Variants in MFN1 observed in about 807,000 individuals in gnomAD.
MFN1 encodes mitofusin-1.
Under a neutral mutation model 92.4 loss-of-function variants are expected in MFN1, and 65 were observed. That is an observed-to-expected ratio of 0.70 (90% CI 0.58 to 0.86). The LOEUF is 0.86. Among genes scored for constraint, MFN1 ranks in the 40% least tolerant of loss-of-function variants. The pLI is 0.00. For synonymous variants in MFN1, 297 were observed against 300.9 expected (o/e 0.99, Z 0.13); for missense variants, 781 against 868.0 (o/e 0.90, Z 1.26).
At chr3:179,365,417 T>C (rs1327753558) in intron 7 of MFN1, among the ~76,000 whole-genome samples, 192 bp downstream of exon 7, 1 of 152,236 alleles carries the variant, frequency 6.6e-6, no homozygotes, top group African/African-American at 2.4e-5. Context: ...AATTGTGTTA[T>C]ACTATCTAGT....
intron 3 of MFN1, among the ~76,000 whole-genome samples, chr3:179,357,803 G>C (rs1197157571): frequency 6.6e-6 from 1 of 152,188 alleles, no homozygotes. Flanking sequence ...CAAGAATACA[G>C]ATAGGGCACA....
At chr3:179,367,370 G>C (rs904974407) in intron 7 of MFN1, 69 bp from the exon 8 acceptor site, 3 of 1,343,454 alleles carry the variant, frequency 2.2e-6, no homozygotes, top group Non-Finnish European at 3.1e-6. Context: ...AGTAAGTATT[G>C]GTCTATAGTC....
chr3:179,386,692 A>G, intron 16 of MFN1, 63 bp downstream of exon 16: 4 of 1,422,020 alleles, frequency 2.8e-6, no homozygotes, highest in Non-Finnish European at 2.9e-6. Context: ...TACATGCAGA[A>G]AAAGCACAAA....
chr3:179,351,996 T>A lies in MFN1; in HGVS notation c.209T>A (p.Val70Glu). The A allele has an allele frequency of 6.2e-7, 1 of 1,608,664 alleles. No homozygotes were observed. The highest frequency in any genetic ancestry group is 8.5e-7 in the Non-Finnish European group (1 of 1,176,152). ...YKDKLSIIGE[V>E]LSRRHMKVAF... ...GACAAGCTTTCCATCATTGGTGAGG[T>A]GCTATCTCGGAGACACATGAAGGTG... The change falls in exon 3 of 18, where the codon GTG becomes GAG. Residue 70 changes from valine (V) to glutamate (E), a missense_variant. Transcript: ENST00000471841.
chr3:179,354,944 G>C (rs1324604131), intron 3 of MFN1, among the ~76,000 whole-genome samples: 1 of 152,068 alleles, frequency 6.6e-6, no homozygotes, highest in Non-Finnish European at 1.5e-5. Flanking sequence ...TTACAGGAGT[G>C]CACCACCACA....
chr3:179,359,589 T>A (rs1434384677), intron 4 of MFN1: 11 of 142,570 alleles, frequency 7.7e-5, no homozygotes, highest in Non-Finnish European at 1.3e-4. Flanking sequence ...CCCAGCTAAT[T>A]TTCGTACTTT....
At position 179,365,236 on chromosome 3, in the gene MFN1, AT is replaced by A. The variant is rs753563355; in HGVS notation, c.753+22del. Reference sequence around the variant, plus strand: ...GAATATATGGAAGACGTAAGTTGTTATTTTTTTTTTTGTAGGTTTTGAAATA... The same window carrying A: ...GAATATATGGAAGACGTAAGTTGTTATTTTTTTTTTGTAGGTTTTGAAATA... On this transcript the variant is annotated intron_variant, in intron 7 of 17. Transcript: ENST00000471841. 55,698 of 1,096,964 alleles carry A rather than the reference AT, an allele frequency of 0.051. 155 individuals carry two copies. The highest frequency in any genetic ancestry group is 0.055 in the Non-Finnish European group (44,938 of 822,964). The allele number at this position is 1,096,964 out of a possible 1,614,324, so 68.0% of individuals were successfully genotyped here.
intron 9 of MFN1, among the ~76,000 whole-genome samples, chr3:179,370,054 A>G (rs951455719): frequency 3.9e-5 from 6 of 152,324 alleles, no homozygotes; most frequent in Middle Eastern, 3.4e-3. Context: ...TGTATTAAAA[A>G]GAGACAAAAC....
At position 179,382,855 on chromosome 3, in the gene MFN1, C is replaced by T. The variant is rs1435926644; in HGVS notation, c.1663-2714C>T. On this transcript the variant is annotated intron_variant, in intron 14 of 17. Transcript: ENST00000471841. The stretch of plus-strand genomic sequence containing the variant: ...GAACATTTTTTCACGTGTCTATTGG[C>T]TGCATAAATGTCTTCTTTTGAGAAG... Among the ~76,000 whole-genome samples the T allele has an allele frequency of 2.0e-5, 3 of 152,188 alleles. No individual in the cohort carries two copies. In the South Asian group the frequency reaches 6.2e-4, roughly 31 times the overall value.
chr3:179,367,558 T>G lies in MFN1; in HGVS notation c.873T>G (p.Ala291=). The change falls in exon 8 of 18, where the codon GCT becomes GCG. Residue 291 remains alanine, a synonymous_variant. Transcript: ENST00000471841. ...TTTCAGCAAAGGAAGTTCTTAGTGC[T>G]AGAAAGCAAAAAGCACAGGGGATGC... The part of the protein sequence containing the change: ...FFVSAKEVLS[A]RKQKAQGMPE... The G allele has an allele frequency of 6.2e-7, 1 of 1,613,078 alleles. No homozygotes were observed. The highest frequency in any genetic ancestry group is 2.2e-5 in the East Asian group (1 of 44,842).
In MFN1 at chr3:179,376,782, A is replaced by T. The variant is rs552969797; in HGVS notation, c.1098-260A>T. 5 of 265,290 alleles carry T rather than the reference A, an allele frequency of 1.9e-5. No individual in the cohort carries two copies. The South Asian group carries it at 3.9e-4, about 21-fold the overall frequency. The allele number at this position is 265,290 out of a possible 1,614,324, so 16.4% of individuals were successfully genotyped here. ...GTATTGCATTCTGTTTTGCCTGTTC[A>T]TATCTATGAAGACTTAGAATTCTTA... is the stretch of plus-strand genomic sequence containing the variant. On this transcript the variant is annotated intron_variant, in intron 10 of 17. Transcript: ENST00000471841.
rs769392041 is a variant in MFN1, at chr3:179,385,585, C to T, written c.1679C>T (p.Ala560Val). The T allele has an allele frequency of 5.0e-6, 8 of 1,605,176 alleles. No individual in the cohort carries two copies. Among genetic ancestry groups the T allele is most frequent in the Non-Finnish European group, 6.8e-6 (8 of 1,177,728 alleles). The change falls in exon 15 of 18, where the codon GCT becomes GTT. Residue 560 changes from alanine to valine, a missense_variant. Physicochemically the swap from Ala to Val is moderately conservative, Grantham distance 64. Transcript: ENST00000471841. ...TTTTGGCAGCTCCCTAGATCTTTAG[C>T]TTCTACTCCCACTGCTCCTACCACT... ...EPIFQLPRSL[A>V]STPTAPTTPA...
chr3:179,392,747 G>A lies in MFN1; in HGVS notation c.*688G>A, dbSNP rs1713956793. 6.6e-6 allele frequency: 1 copy of A among 152,130 alleles called. No homozygotes were observed. The highest frequency in any genetic ancestry group is 2.4e-5 in the African/African-American group (1 of 41,422). The allele number at this position is 152,130 out of a possible 1,614,324, so 9.4% of individuals were successfully genotyped here. On this transcript the variant is annotated 3_prime_UTR_variant, in exon 18 of 18. Transcript: ENST00000471841. ...TTCCAATAAGGAACGCTTTCCTAGTGCAATTTTAGGAGTAAAGTTTGAAGA... is the reference window on the plus strand; with the variant it reads ...TTCCAATAAGGAACGCTTTCCTAGTACAATTTTAGGAGTAAAGTTTGAAGA...
rs986596808 is a variant in MFN1 at position 179,367,606 on chromosome 3, A to G, written c.907+14A>G. On this transcript the variant is annotated intron_variant, in intron 8 of 17. Coordinates refer to ENST00000471841, the MANE Select transcript of MFN1 (RefSeq NM_033540.3). Reference sequence around the variant, plus strand: ...TGCCAGAAAGTGGTATGCATTACCTATAGATTTCCTGTTTAAATATAAAAA... The same window carrying G: ...TGCCAGAAAGTGGTATGCATTACCTGTAGATTTCCTGTTTAAATATAAAAA... 1.9e-6 allele frequency: 3 copies of G among 1,582,718 alleles called. No homozygotes were observed. The highest frequency in any genetic ancestry group is 1.4e-5 in the African/African-American group (1 of 72,280).
At chr3:179,356,945 T>TC (rs1167795768) in intron 3 of MFN1, among the ~76,000 whole-genome samples, 2 of 152,146 alleles carry the variant, frequency 1.3e-5, no homozygotes, top group African/African-American at 4.8e-5. Context: ...TTAATCCATC[T>TC]CCCCAAGGAA....
chr3:179,386,033 G>A (rs1310885839), intron 15 of MFN1, among the ~76,000 whole-genome samples: 2 of 152,160 alleles, frequency 1.3e-5, no homozygotes, highest in Non-Finnish European at 2.9e-5. Context: ...GCCCTATCTA[G>A]CCTTCTCTGA....
chr3:179,352,822 G>T (rs974774699), intron 3 of MFN1, among the ~76,000 whole-genome samples: 81 of 152,082 alleles, frequency 5.3e-4, no homozygotes, highest in Non-Finnish European at 9.8e-4. Flanking sequence ...CACAATCTCG[G>T]CTCGCTGCAA....
intron 3 of MFN1, among the ~76,000 whole-genome samples, chr3:179,352,755 T>TA (rs1388625674): frequency 3.0e-5 from 3 of 101,130 alleles, no homozygotes; most frequent in African/African-American, 8.5e-5. Context: ...AACTCAGCAT[T>TA]TTTTTTTTCC....
intron 14 of MFN1, among the ~76,000 whole-genome samples, chr3:179,381,948 A>G (rs1713483648): frequency 6.6e-6 from 1 of 152,236 alleles, no homozygotes; most frequent in Non-Finnish European, 1.5e-5. Context: ...GGGAAAGCTT[A>G]TCCTAAAGCT....
Sources: allele counts gnomAD v4.1 joint callset (sites outside exome capture counted in the v4.1 genomes callset), GRCh38; gene constraint gnomAD v4.1.1; transcripts MANE v1.5; gene names NCBI Gene and HGNC (gene_info 2026-07-23, HGNC 2026-07-21).